MROH2A: variants seen among roughly 807,000 people sequenced by gnomAD.
MROH2A encodes maestro heat like repeat family member 2A, also known as maestro heat-like repeat-containing protein family member 2A.
In MROH2A, 174 loss-of-function variants were observed where a neutral mutation model predicts 200.4. That is an observed-to-expected ratio of 0.87 (90% CI 0.77 to 0.98). MROH2A has a LOEUF of 0.98. MROH2A is among the 50% of genes least tolerant of loss of function. The pLI, the probability that MROH2A is intolerant of heterozygous loss-of-function variation, is 0.00. For synonymous variants in MROH2A, 829 were observed against 840.4 expected, an observed-to-expected ratio of 0.99 and a Z score of 0.23; for missense variants, 2,045 against 2,139.6, an observed-to-expected ratio of 0.96 and a Z score of 0.87.
intron 31 of MROH2A, among the ~76,000 whole-genome samples, chr2:233,821,304 CT>C (rs1309737886): frequency 1.3e-5 from 2 of 152,170 alleles, no homozygotes; most frequent in South Asian, 2.1e-4. Context: ...GGTGCCCCTT[CT>C]TGTTTCCTTG....
In MROH2A at chr2:233,796,270, C is replaced by T. The variant is rs536527223; in HGVS notation, c.1209C>T (p.Arg403=). 82 of 1,333,640 alleles carry T rather than the reference C, an allele frequency of 6.1e-5. No homozygotes were observed. The highest frequency in any genetic ancestry group is 1.5e-4 in the Admixed American group (6 of 40,248). The allele number at this position is 1,333,640 out of a possible 1,614,324, so 82.6% of individuals were successfully genotyped here. ...SQMETNKEAV[R]VGTLNLIRAI... is the part of the protein sequence containing the mutation. ...TGGAGACAAACAAGGAGGCCGTCCG[C>T]GTGGGGACTCTGAATCTGATTAGGG... The change falls in exon 11 of 42, where the codon CGC becomes CGT. Residue 403 remains arginine, a synonymous_variant. Coordinates refer to ENST00000389758, the MANE Select transcript of MROH2A (RefSeq NM_001394639.1).
intron 15 of MROH2A, 65 bp from the exon 16 acceptor site, chr2:233,803,383 G>T (rs933848638): frequency 1.3e-6 from 2 of 1,526,332 alleles, no homozygotes; most frequent in Non-Finnish European, 8.9e-7. Context: ...CCTAGATGGG[G>T]ACATAGGAGC....
At position 233,828,416 on chromosome 2, in the gene MROH2A, A is replaced by T. The variant is rs1704465883; in HGVS notation, c.4114-214A>T. 1 of 555,266 alleles carries T rather than the reference A, an allele frequency of 1.8e-6. No homozygotes were observed. Among genetic ancestry groups the T allele is most frequent in the Non-Finnish European group, 3.2e-6 (1 of 310,728 alleles). 34.4% of individuals were successfully genotyped at this position (555,266 alleles called of 1,614,324 possible). A position where few individuals can be genotyped will look rare whatever the true frequency, so the allele number is the denominator to read the frequency against. ...TATATATACGTAACACTTATCTAGC[A>T]TTCCCCCCATATTTCCTTATTAAAT... On this transcript the variant is annotated intron_variant, in intron 35 of 41. Transcript: ENST00000389758. The surrounding 1 kb of genome is among the most constrained non-coding windows in gnomAD (Gnocchi z 4.6).
chr2:233,795,989 A>G lies in MROH2A; in HGVS notation c.1082A>G (p.Gln361Arg). Residue 361 changes from glutamine (Q) to arginine (R), a missense_variant, in exon 10 of 42, where the codon CAG becomes CGG. Physicochemically the swap from Gln to Arg is conservative, Grantham distance 43. Transcript: ENST00000389758. Reference protein sequence around the residue: ...HVQVCNKAPAQHQYSSQNLME... With the variant: ...HVQVCNKAPARHQYSSQNLME... The stretch of plus-strand genomic sequence containing the variant: ...CAGGTGTGCAACAAGGCCCCGGCCC[A>G]GCATCAGTACAGCAGCCAGAATCTG... The G allele has an allele frequency of 6.4e-7, 1 of 1,550,602 alleles. No individual in the cohort carries two copies. The highest frequency in any genetic ancestry group is 1.2e-5 in the South Asian group (1 of 84,054).
At position 233,778,348 on chromosome 2, in the gene MROH2A, A is replaced by T. The variant is rs943660403; in HGVS notation, c.-148A>T. 8 of 169,304 alleles carry T rather than the reference A, an allele frequency of 4.7e-5. No individual in the cohort carries two copies. The South Asian group carries it at 1.4e-3, about 30-fold the overall frequency. 10.5% of individuals were successfully genotyped at this position (169,304 alleles called of 1,614,324 possible). A position where few individuals can be genotyped will look rare whatever the true frequency, so the allele number is the denominator to read the frequency against. On this transcript the variant is annotated 5_prime_UTR_variant, in exon 1 of 42. Coordinates refer to ENST00000389758, the MANE Select transcript of MROH2A (RefSeq NM_001394639.1). ...GAGACCCATTCCTATAAGAAATATG[A>T]CTGAAGAGCCCAGCTGTCTCACTTT... is the stretch of plus-strand genomic sequence containing the variant.
At chr2:233,798,592 C>G (rs554327914) in intron 11 of MROH2A, among the ~76,000 whole-genome samples, 182 bp from the exon 12 acceptor site, 1 of 152,246 alleles carries the variant, frequency 6.6e-6, no homozygotes, top group South Asian at 2.1e-4. Context: ...GGGAACGAGG[C>G]GTGGAAACAA....
At chr2:233,798,411 C>G (rs28900430) in intron 11 of MROH2A, among the ~76,000 whole-genome samples, 23 of 152,302 alleles carry the variant, frequency 1.5e-4, no homozygotes, top group Non-Finnish European at 3.1e-4. Context: ...GTGTCAGGAC[C>G]CATGCTCTTC....
chr2:233,778,745 G>C (rs945161639), intron 1 of MROH2A, among the ~76,000 whole-genome samples: 2 of 152,250 alleles, frequency 1.3e-5, no homozygotes, highest in African/African-American at 4.8e-5. Context: ...AATTATCAGT[G>C]TGTAGAAGAG....
chr2:233,809,399 C>T, intron 22 of MROH2A, 121 bp downstream of exon 22: 1 of 1,118,562 alleles, frequency 8.9e-7, no homozygotes, highest in South Asian at 1.5e-5. Context: ...TTACCTGATG[C>T]CCAGCACGTG....
Position 233,816,886 on chromosome 2 carries a change from G to A in MROH2A, c.2961+1G>A. ...TTATGTCCACAGCACTGCTGTCTGT[G>A]TGAGTCCAGGAGTCCCCAGCCCCCA... On this transcript the variant is annotated splice_donor_variant, in intron 27 of 41. Coordinates refer to ENST00000389758, the MANE Select transcript of MROH2A (RefSeq NM_001394639.1). LOFTEE classifies it high-confidence loss of function. The A allele has an allele frequency of 1.3e-6, 2 of 1,529,686 alleles. No homozygotes were observed. Among genetic ancestry groups the A allele is most frequent in the Non-Finnish European group, 1.8e-6 (2 of 1,128,328 alleles). The allele number at this position is 1,529,686 out of a possible 1,614,324, so 94.8% of individuals were successfully genotyped here. A position where few individuals can be genotyped will look rare whatever the true frequency, so the allele number is the denominator to read the frequency against.
At position 233,820,505 on chromosome 2, in the gene MROH2A, C is replaced by A. The variant is rs966740704; in HGVS notation, c.3512+449C>A. Among the ~76,000 whole-genome samples the A allele has an allele frequency of 1.3e-5, 2 of 152,160 alleles. No individual in the cohort carries two copies. Among genetic ancestry groups the A allele is most frequent in the East Asian group, 3.9e-4 (2 of 5,164 alleles). Reference sequence around the variant, plus strand: ...AGTCTCCAAGGGGAGAATGGCCCAACCTCCAGCCCCAGAGGTGGCCATGAG... The same window carrying A: ...AGTCTCCAAGGGGAGAATGGCCCAAACTCCAGCCCCAGAGGTGGCCATGAG... On this transcript the variant is annotated intron_variant, in intron 31 of 41. Coordinates refer to ENST00000389758, the MANE Select transcript of MROH2A (RefSeq NM_001394639.1). This position sits in a 1 kb window ranked among gnomAD's most constrained non-coding sequence, Gnocchi z 4.1.
chr2:233,805,767 A>G (rs531420429), intron 19 of MROH2A, among the ~76,000 whole-genome samples: 1 of 152,370 alleles, frequency 6.6e-6, no homozygotes, highest in Non-Finnish European at 1.5e-5. Flanking sequence ...AAACTCTCAC[A>G]TTTATGGGTA....
chr2:233,797,243 T>C (rs1702172379), intron 11 of MROH2A, among the ~76,000 whole-genome samples: 1 of 152,224 alleles, frequency 6.6e-6, no homozygotes, highest in Non-Finnish European at 1.5e-5. Flanking sequence ...TGTAAATCAA[T>C]AAATGATTTT....
intron 23 of MROH2A, 136 bp from the exon 24 acceptor site, chr2:233,811,744 T>C: frequency 3.0e-6 from 2 of 656,646 alleles, no homozygotes; most frequent in Non-Finnish European, 5.4e-6. Flanking sequence ...AAAAGCCAAA[T>C]GGCCCTAAAA....
In MROH2A at chr2:233,790,034, C is replaced by T. The variant is rs1482092762; in HGVS notation, c.571+20C>T. 2.6e-6 allele frequency: 4 copies of T among 1,527,964 alleles called. No individual in the cohort carries two copies. The highest frequency in any genetic ancestry group is 1.2e-5 in the South Asian group (1 of 80,682). The allele number at this position is 1,527,964 out of a possible 1,614,324, so 94.7% of individuals were successfully genotyped here. ...GCAATGGTAGGGGCTTGAGGGCCCT[C>T]AGCCGGGCCCAGTGTGCCCTTCTGG... On this transcript the variant is annotated intron_variant, in intron 5 of 41. Transcript: ENST00000389758.
upstream of MROH2A, among the ~76,000 whole-genome samples, chr2:233,777,804 G>T (rs1467394611): frequency 2.0e-5 from 3 of 152,160 alleles, no homozygotes; most frequent in African/African-American, 7.2e-5. Flanking sequence ...CTATGATCTG[G>T]ATCATCTCTC....
At chr2:233,802,931 AT>A (rs1702561501) in intron 15 of MROH2A, among the ~76,000 whole-genome samples, 1 of 152,202 alleles carries the variant, frequency 6.6e-6, no homozygotes, top group Non-Finnish European at 1.5e-5. Context: ...GGTCTTCCTC[AT>A]GCCCCTCTCA....
rs1447089474 is a variant in MROH2A at position 233,817,185 on chromosome 2, T to G, written c.2961+300T>G. Among the ~76,000 whole-genome samples, 3 of 152,184 alleles carry G rather than the reference T, an allele frequency of 2.0e-5. No homozygotes were observed. In the South Asian group the frequency reaches 6.2e-4, roughly 31 times the overall value. On this transcript the variant is annotated intron_variant, in intron 27 of 41. Coordinates refer to ENST00000389758, the MANE Select transcript of MROH2A (RefSeq NM_001394639.1). ...ATTGGCTAGGAAAATGAATATTTAC[T>G]TTGAGAAAATCAAGTGCTGCAAAAT... is the stretch of plus-strand genomic sequence containing the variant.
At chr2:233,832,070 G>A (rs1352476789) in intron 39 of MROH2A, 107 bp from the exon 40 acceptor site, 22 of 873,610 alleles carry the variant, frequency 2.5e-5, no homozygotes, top group African/African-American at 3.3e-5. Flanking sequence ...TGGGATGGGC[G>A]CTTGCCCTCT....
Sources: gnomAD v4.1 joint callset for allele counts (sites outside exome capture counted in the v4.1 genomes callset) on GRCh38, gnomAD v4.1.1 for gene constraint, Gnocchi (gnomAD v3.1) non-coding constraint, MANE v1.5 for transcripts, NCBI Gene and HGNC (gene_info 2026-07-23, HGNC 2026-07-21) for gene names.